SYT2: variants seen among roughly 807,000 people sequenced by gnomAD.
The protein encoded by SYT2 is synaptotagmin-2.
In SYT2, 15 loss-of-function variants were observed where a neutral mutation model predicts 39.9. That is an observed-to-expected ratio of 0.38 (90% CI 0.25 to 0.58). The LOEUF is 0.58. SYT2 is among the 20% of genes least tolerant of loss of function. SYT2 has a pLI of 0.70. For synonymous variants in SYT2, 181 were observed against 204.5 expected (o/e 0.89, Z 0.98); for missense variants, 389 against 530.3 (o/e 0.73, Z 2.62).
intron 1 of SYT2, among the ~76,000 whole-genome samples, chr1:202,685,302 C>A (rs1166108869): frequency 6.6e-6 from 1 of 152,058 alleles, no homozygotes. Context: ...CACCAGTGCC[C>A]CCCACCACCA....
Position 202,596,889 on chromosome 1 carries a change from C to T in SYT2, c.1128G>A (p.Val376=). 6.2e-7 allele frequency: 1 copy of T among 1,614,218 alleles called. No homozygotes were observed. Among genetic ancestry groups the T allele is most frequent in the South Asian group, 1.1e-5 (1 of 91,086 alleles). ...GKNEAIGKIF[V]GSNATGTELR... is the part of the protein sequence containing the mutation. ...GCTCTGTGCCCGTGGCATTGCTGCC[C>T]ACGAAGATCTTGCCTATGGCTTCGT... Residue 376 remains valine (V), a synonymous_variant, in exon 9 of 9, where the codon GTG becomes GTA. Transcript: ENST00000367268.
chr1:202,638,485 G>A (rs1438133157), intron 1 of SYT2, among the ~76,000 whole-genome samples: 5 of 152,238 alleles, frequency 3.3e-5, no homozygotes, highest in Admixed American at 1.3e-4. Flanking sequence ...CCATCTGCTC[G>A]GAGGCCTTTC....
rs920120951 is a variant in SYT2, at chr1:202,623,942, A to C, written c.-17-18153T>G. ...CACAGCACCTTCCAGCACAGTCCCG[A>C]TATCTTTCATGCCAGATGCACATCT... On this transcript the variant is annotated intron_variant, in intron 1 of 8. Transcript: ENST00000367268. The surrounding 1 kb of genome is among the most constrained non-coding windows in gnomAD (Gnocchi z 4.2). 6.6e-6 allele frequency among the ~76,000 whole-genome samples: 1 copy of C among 152,202 alleles called. No homozygotes were observed. Among genetic ancestry groups the C allele is most frequent in the Admixed American group, 6.5e-5 (1 of 15,288 alleles).
intron 5 of SYT2, 122 bp downstream of exon 5, chr1:202,602,256 G>T: frequency 1.6e-6 from 2 of 1,270,484 alleles, no homozygotes; most frequent in Non-Finnish European, 2.2e-6. Context: ...GGGTAGCCCT[G>T]CAGTCAAGGC....
chr1:202,696,938 C>T (rs1653988210), intron 1 of SYT2, among the ~76,000 whole-genome samples: 1 of 152,206 alleles, frequency 6.6e-6, no homozygotes, highest in African/African-American at 2.4e-5. Context: ...TCACCTCTCC[C>T]CCACCACCTC....
At position 202,596,507 on chromosome 1, in the gene SYT2, G is replaced by A. The variant is rs2149063488; in HGVS notation, c.*250C>T. On this transcript the variant is annotated 3_prime_UTR_variant, in exon 9 of 9. Transcript: ENST00000367268. ...AAAGAGTCGAGGGAACTGTGACAGGGCATGCAGCAAGGACAGCTCCTGGGA... is the reference window on the plus strand; with the variant it reads ...AAAGAGTCGAGGGAACTGTGACAGGACATGCAGCAAGGACAGCTCCTGGGA... 1 of 426,588 alleles carries A rather than the reference G, an allele frequency of 2.3e-6. No individual in the cohort carries two copies. Among genetic ancestry groups the A allele is most frequent in the Non-Finnish European group, 4.2e-6 (1 of 238,026 alleles). The allele number at this position is 426,588 out of a possible 1,614,324, so 26.4% of individuals were successfully genotyped here.
intron 1 of SYT2, among the ~76,000 whole-genome samples, chr1:202,622,359 G>C (rs1200183335): frequency 2.6e-5 from 4 of 152,078 alleles, no homozygotes; most frequent in Non-Finnish European, 4.4e-5. Flanking sequence ...GAGCCTTCTT[G>C]GTCAGTGCAT....
At chr1:202,636,979 CA>C (rs1393115202) in intron 1 of SYT2, among the ~76,000 whole-genome samples, 1 of 152,186 alleles carries the variant, frequency 6.6e-6, no homozygotes, top group Non-Finnish European at 1.5e-5. Flanking sequence ...ACCACAGTGC[CA>C]AGCACATGCA....
At chr1:202,657,795 G>T (rs1274352840) in intron 1 of SYT2, among the ~76,000 whole-genome samples, 4 of 152,124 alleles carry the variant, frequency 2.6e-5, no homozygotes, top group Admixed American at 1.3e-4. Context: ...CTCCTGGAGG[G>T]TGAAAGCAGA....
chr1:202,617,366 AC>A (rs1429306737), intron 1 of SYT2, among the ~76,000 whole-genome samples: 1 of 150,168 alleles, frequency 6.7e-6, no homozygotes, highest in Non-Finnish European at 1.5e-5. Flanking sequence ...AGTGTGTAGC[AC>A]CCCCCAACCC....
At position 202,596,734 on chromosome 1, in the gene SYT2, T is replaced by G; in HGVS notation, c.*23A>C. On this transcript the variant is annotated 3_prime_UTR_variant, in exon 9 of 9. Coordinates refer to ENST00000367268, the MANE Select transcript of SYT2 (RefSeq NM_177402.5). ...GGATCTTGTCAGTGTCCGTGAAAGG[T>G]GTGGGGTCCCAGCCGCTGCTGTCTA... The G allele has an allele frequency of 1.2e-6, 2 of 1,605,310 alleles. No individual in the cohort carries two copies. The highest frequency in any genetic ancestry group is 1.7e-6 in the Non-Finnish European group (2 of 1,173,634).
chr1:202,656,937 C>A (rs529390243), intron 1 of SYT2, among the ~76,000 whole-genome samples: 1 of 152,314 alleles, frequency 6.6e-6, no homozygotes, highest in East Asian at 1.9e-4. Flanking sequence ...AATACAGGAC[C>A]ACTCTCCAGC....
At chr1:202,627,509 G>C in intron 1 of SYT2, 3 of 985,340 alleles carry the variant, frequency 3.0e-6, no homozygotes, top group Non-Finnish European at 3.6e-6. Context: ...CATGGGTGGG[G>C]TGTGGACGGG....
intron 1 of SYT2, among the ~76,000 whole-genome samples, chr1:202,709,875 G>T (rs779647007): frequency 7.4e-4 from 112 of 152,250 alleles, no homozygotes; most frequent in Non-Finnish European, 1.5e-3. Context: ...GCTGGCGGGG[G>T]CTGGGCTAGA....
chr1:202,663,615 G>A (rs774895432), intron 1 of SYT2, among the ~76,000 whole-genome samples: 4 of 152,110 alleles, frequency 2.6e-5, no homozygotes, highest in Non-Finnish European at 2.9e-5. Flanking sequence ...TCATGTGCTC[G>A]TCACCCAATT....
chr1:202,649,765 T>C (rs926560133), intron 1 of SYT2, among the ~76,000 whole-genome samples: 2 of 152,182 alleles, frequency 1.3e-5, no homozygotes, highest in African/African-American at 4.8e-5. Flanking sequence ...TTGTCCCCAT[T>C]TCACAGCTGG....
chr1:202,704,873 G>C (rs1387479557), intron 1 of SYT2, among the ~76,000 whole-genome samples: 1 of 152,220 alleles, frequency 6.6e-6, no homozygotes, highest in Non-Finnish European at 1.5e-5. Context: ...CTTCAGAGCA[G>C]GTGTTCCTGA....
At chr1:202,624,506 GGTGT>G (rs1472860163) in intron 1 of SYT2, among the ~76,000 whole-genome samples, 2 of 149,432 alleles carry the variant, frequency 1.3e-5, no homozygotes, top group African/African-American at 4.9e-5. Flanking sequence ...AGGTGTGTAT[GGTGT>G]GTGTCTGTGT....
rs907626945 is a variant in SYT2 at position 202,661,673 on chromosome 1, G to C, written c.-18+48585C>G. Among the ~76,000 whole-genome samples the C allele has an allele frequency of 2.0e-5, 3 of 152,078 alleles. No homozygotes were observed. In the East Asian group the frequency reaches 5.8e-4, roughly 29 times the overall value. ...GCCAACTCCGGTCTCTGCTCCAAGG[G>C]GGCAGGTGTTCAGAGAGAACACTCT... On this transcript the variant is annotated intron_variant, in intron 1 of 8. Transcript: ENST00000367268.
Sources: allele counts gnomAD v4.1 joint callset (sites outside exome capture counted in the v4.1 genomes callset), GRCh38; gene constraint gnomAD v4.1.1; non-coding constraint Gnocchi (gnomAD v3.1); transcripts MANE v1.5; gene names NCBI Gene and HGNC (gene_info 2026-07-23, HGNC 2026-07-21).